Variants in CCDC178 observed in about 807,000 individuals in gnomAD.
CCDC178 encodes the protein coiled-coil domain containing 178, also known as coiled-coil domain-containing protein 178.
Under a neutral mutation model 117.4 loss-of-function variants are expected in CCDC178, and 126 were observed. That is an observed-to-expected ratio of 1.07 (90% CI 0.93 to 1.24). CCDC178 has a LOEUF of 1.24. Ranked by LOEUF, CCDC178 falls within the 50% of genes most tolerant of loss-of-function variation. The pLI, the probability that CCDC178 is intolerant of heterozygous loss-of-function variation, is 0.00. For missense variants in CCDC178, 1,030 were observed against 986.9 expected, an observed-to-expected ratio of 1.04 and a Z score of -0.59; for synonymous variants, 283 against 313.4, an observed-to-expected ratio of 0.90 and a Z score of 1.02.
intron 12 of CCDC178, among the ~76,000 whole-genome samples, chr18:33,273,659 T>C (rs1184490816): frequency 1.3e-5 from 2 of 151,662 alleles, no homozygotes; most frequent in African/African-American, 2.4e-5. Context: ...ATACTGAATA[T>C]CCACTTACAA....
intron 6 of CCDC178, among the ~76,000 whole-genome samples, chr18:33,362,375 T>C (rs151042567): frequency 6.6e-6 from 1 of 151,678 alleles, no homozygotes; most frequent in Non-Finnish European, 1.5e-5. Flanking sequence ...AGGTAGAGAA[T>C]GAAACAGTGG....
At chr18:33,339,690 A>G (rs906497020) in intron 9 of CCDC178, among the ~76,000 whole-genome samples, 1 of 151,722 alleles carries the variant, frequency 6.6e-6, no homozygotes, top group African/African-American at 2.4e-5. Context: ...TGTCTTTCCC[A>G]TGCTATTCTT....
At chr18:33,081,064 T>C (rs2057289106) in intron 21 of CCDC178, among the ~76,000 whole-genome samples, 1 of 152,012 alleles carries the variant, frequency 6.6e-6, no homozygotes. Context: ...GATATGGAAG[T>C]AGTAAGAGCA....
chr18:33,411,632 C>T (rs2063856504), intron 3 of CCDC178, among the ~76,000 whole-genome samples: 1 of 151,908 alleles, frequency 6.6e-6, no homozygotes, highest in African/African-American at 2.4e-5. Context: ...TGTTTAGCTT[C>T]AGTGATGTGA....
intron 10 of CCDC178, chr18:33,328,062 G>A: frequency 2.7e-6 from 1 of 365,160 alleles, no homozygotes; most frequent in Non-Finnish European, 5.2e-6. Flanking sequence ...CAAATCCAAG[G>A]TCATAAAGAT....
At chr18:33,340,565 A>G (rs2062803946) in intron 9 of CCDC178, among the ~76,000 whole-genome samples, 1 of 152,138 alleles carries the variant, frequency 6.6e-6, no homozygotes, top group Non-Finnish European at 1.5e-5. Context: ...GAGGCCCAGG[A>G]AGAAAAAGTG....
chr18:33,057,766 T>C (rs1316650287), intron 21 of CCDC178, among the ~76,000 whole-genome samples: 1 of 152,178 alleles, frequency 6.6e-6, no homozygotes, highest in Non-Finnish European at 1.5e-5. Flanking sequence ...AATGCTGAGA[T>C]TACAGGTGTG....
intron 11 of CCDC178, among the ~76,000 whole-genome samples, chr18:33,307,734 G>T (rs1217684073): frequency 1.3e-5 from 2 of 152,214 alleles, no homozygotes; most frequent in African/African-American, 4.8e-5. Flanking sequence ...GCCTTGGGAT[G>T]TGGTGCCCTG....
At chr18:33,152,993 C>A (rs271507) in intron 20 of CCDC178, among the ~76,000 whole-genome samples, 1 of 139,540 alleles carries the variant, frequency 7.2e-6, no homozygotes, top group African/African-American at 2.6e-5. Context: ...AAAACACAAG[C>A]AGAAATGAAG....
chr18:33,259,657 C>G (rs9959366), intron 14 of CCDC178, among the ~76,000 whole-genome samples: 42 of 152,182 alleles, frequency 2.8e-4, no homozygotes, highest in Admixed American at 1.7e-3. Flanking sequence ...ATCACCCCCC[C>G]CCACCAGTCC....
intron 18 of CCDC178, among the ~76,000 whole-genome samples, chr18:33,220,632 G>A (rs560512446): frequency 6.6e-6 from 1 of 152,020 alleles, no homozygotes; most frequent in African/African-American, 2.4e-5. Flanking sequence ...GTACTTCACA[G>A]GGTTGCTGTG....
intron 14 of CCDC178, among the ~76,000 whole-genome samples, chr18:33,246,369 T>C (rs1490856630): frequency 2.6e-5 from 4 of 151,700 alleles, no homozygotes; most frequent in African/African-American, 9.7e-5. Flanking sequence ...TGATGACACT[T>C]GGTTGCAGAT....
At chr18:32,995,919 A>ATCTATG in intron 21 of CCDC178, among the ~76,000 whole-genome samples, 1 of 151,494 alleles carries the variant, frequency 6.6e-6, no homozygotes, top group Non-Finnish European at 1.5e-5. Context: ...CTATATCTAT[A>ATCTATG]TCTATATCTA....
intron 22 of CCDC178, among the ~76,000 whole-genome samples, chr18:32,971,508 G>C (rs2054925102): frequency 6.6e-6 from 1 of 152,124 alleles, no homozygotes. Flanking sequence ...CTTTATAGTA[G>C]AATGATTTAT....
intron 4 of CCDC178, among the ~76,000 whole-genome samples, chr18:33,396,742 T>C (rs919445023): frequency 1.3e-5 from 2 of 151,996 alleles, no homozygotes; most frequent in Non-Finnish European, 1.5e-5. Flanking sequence ...AAAAGGAAAT[T>C]AGCACCACAA....
chr18:33,014,870 G>A (rs183138293), intron 21 of CCDC178, among the ~76,000 whole-genome samples: 1 of 152,110 alleles, frequency 6.6e-6, no homozygotes, highest in Non-Finnish European at 1.5e-5. Flanking sequence ...AAAAACCCTG[G>A]GGAGAAAAAA....
At chr18:33,394,943 G>GTATGTGTATATATATATA (rs1555697671) in intron 4 of CCDC178, among the ~76,000 whole-genome samples, 1 of 61,498 alleles carries the variant, frequency 1.6e-5, no homozygotes, top group Non-Finnish European at 3.0e-5. Flanking sequence ...ATATGTATGT[G>GTATGTGTATATATATATA]TATATATATA....
At chr18:33,311,927 C>T (rs1177708713) in intron 11 of CCDC178, among the ~76,000 whole-genome samples, 1 of 152,126 alleles carries the variant, frequency 6.6e-6, no homozygotes, top group Non-Finnish European at 1.5e-5. Context: ...AAAGACAGCA[C>T]CTTTATTGAG....
intron 21 of CCDC178, among the ~76,000 whole-genome samples, chr18:33,076,499 T>C (rs1365645815): frequency 6.6e-6 from 1 of 152,250 alleles, no homozygotes. Context: ...TTTCTAATTA[T>C]CAGCACTCCG....
Sources: allele counts gnomAD v4.1 joint callset (sites outside exome capture counted in the v4.1 genomes callset), GRCh38; gene constraint gnomAD v4.1.1; transcripts MANE v1.5; gene names NCBI Gene and HGNC (gene_info 2026-07-23, HGNC 2026-07-21).